The following NRIP3 variants were observed in gnomAD, a reference collection of about 807,000 sequenced individuals.
The protein encoded by NRIP3 is nuclear receptor-interacting protein 3.
A neutral mutation model predicts 29.0 loss-of-function variants in NRIP3; 31 were observed. The observed-to-expected ratio is 1.07, with a 90% CI of 0.80 to 1.44. The LOEUF is 1.44. NRIP3 is among the 40% of genes most tolerant of loss of function. The pLI, the probability that NRIP3 is intolerant of heterozygous loss-of-function variation, is 0.00. For missense variants in NRIP3, 314 were observed against 297.9 expected (o/e 1.05, Z -0.40); for synonymous variants, 131 against 118.3 (o/e 1.11, Z -0.70).
chr11:8,985,694 C>G lies in NRIP3; in HGVS notation c.562+17G>C, dbSNP rs781142287. ...TTTCCGTTAGGGTCCATAGGTCCAG[C>G]CCTCAATTCTGCTTACCAACCACAG... On this transcript the variant is annotated intron_variant, in intron 4 of 6. Transcript: ENST00000309166. 34 of 1,612,256 alleles carry G rather than the reference C, an allele frequency of 2.1e-5. No individual in the cohort carries two copies. Among genetic ancestry groups the G allele is most frequent in the Non-Finnish European group, 2.9e-5 (34 of 1,179,492 alleles).
chr11:8,987,351 C>A (rs1854534957), intron 3 of NRIP3, among the ~76,000 whole-genome samples, 197 bp downstream of exon 3: 1 of 152,166 alleles, frequency 6.6e-6, no homozygotes. Context: ...GGTTTCCCTG[C>A]TCACTGATTT....
At chr11:8,991,325 C>T (rs893480938) in intron 1 of NRIP3, among the ~76,000 whole-genome samples, 1 of 152,124 alleles carries the variant, frequency 6.6e-6, no homozygotes, top group Non-Finnish European at 1.5e-5. Flanking sequence ...TTTTCTATGT[C>T]AATATACATA....
chr11:8,999,900 C>T (rs969240459), intron 1 of NRIP3, among the ~76,000 whole-genome samples: 9 of 152,186 alleles, frequency 5.9e-5, no homozygotes, highest in Admixed American at 4.6e-4. Context: ...TCCCTATTCC[C>T]CTTACCCTGA....
chr11:8,987,751 G>C (rs78486478), intron 2 of NRIP3, 121 bp from the exon 3 acceptor site: 20,728 of 775,446 alleles, frequency 0.027, 371 homozygotes, highest in Non-Finnish European at 0.035. Flanking sequence ...CCCAATTATG[G>C]GTTATAGTGT....
Position 8,983,439 on chromosome 11 carries a change from C to G in NRIP3, c.*106G>C, listed in dbSNP as rs1334688240. The G allele has an allele frequency of 9.7e-7, 1 of 1,025,794 alleles. No individual in the cohort carries two copies. The highest frequency in any genetic ancestry group is 1.5e-6 in the Non-Finnish European group (1 of 679,930). The allele number at this position is 1,025,794 out of a possible 1,614,324, so 63.5% of individuals were successfully genotyped here. ...CTGGAGCTTCTATTAGATGGAAGGA[C>G]TTGGTCCACAGCAAGTCACTACGGC... On this transcript the variant is annotated 3_prime_UTR_variant, in exon 7 of 7. Transcript: ENST00000309166.
At chr11:8,983,660 A>G (rs1407766269) in intron 6 of NRIP3, 100 bp from the exon 7 acceptor site, 15 of 1,133,982 alleles carry the variant, frequency 1.3e-5, no homozygotes, top group Non-Finnish European at 6.6e-6. Context: ...TCATTTCCCT[A>G]CCACTCTGTG....
chr11:8,994,888 C>T (rs1018922202), intron 1 of NRIP3, among the ~76,000 whole-genome samples: 2 of 152,176 alleles, frequency 1.3e-5, no homozygotes, highest in Non-Finnish European at 2.9e-5. Context: ...AAATTACTAC[C>T]TTTATGATGA....
At chr11:9,001,062 G>A (rs1166241533) in intron 1 of NRIP3, among the ~76,000 whole-genome samples, 2 of 151,670 alleles carry the variant, frequency 1.3e-5, no homozygotes, top group South Asian at 2.1e-4. Flanking sequence ...GTGAGAACCC[G>A]TCTCTTAAAA....
intron 1 of NRIP3, among the ~76,000 whole-genome samples, chr11:8,989,917 C>T (rs545706945): frequency 2.6e-5 from 4 of 152,276 alleles, no homozygotes; most frequent in African/African-American, 9.6e-5. Context: ...TTTCAAAGAC[C>T]ACCTAAACAA....
intron 2 of NRIP3, 95 bp from the exon 3 acceptor site, chr11:8,987,725 G>A (rs1854540490): frequency 5.3e-6 from 5 of 937,958 alleles, no homozygotes; most frequent in Non-Finnish European, 8.8e-6. Flanking sequence ...TGAAAGGCAG[G>A]GTTGGAGAGC....
chr11:8,997,373 A>G (rs897541903), intron 1 of NRIP3, among the ~76,000 whole-genome samples: 4 of 150,580 alleles, frequency 2.7e-5, no homozygotes, highest in Non-Finnish European at 4.4e-5. Flanking sequence ...AAAAAAAAAA[A>G]AAAAAGAAAG....
At chr11:9,003,076 A>G (rs904058438) in intron 1 of NRIP3, among the ~76,000 whole-genome samples, 2 of 152,146 alleles carry the variant, frequency 1.3e-5, no homozygotes, top group Admixed American at 6.5e-5. Context: ...CACCCACCCC[A>G]GCTCCAGATG....
At chr11:8,992,728 A>C (rs1854628919) in intron 1 of NRIP3, among the ~76,000 whole-genome samples, 1 of 152,104 alleles carries the variant, frequency 6.6e-6, no homozygotes, top group Admixed American at 6.5e-5. Context: ...GGCCAAGCCA[A>C]CATGGTGAAA....
Position 9,003,729 on chromosome 11 carries a change from G to T in NRIP3, c.174+33C>A, listed in dbSNP as rs764499799. On this transcript the variant is annotated intron_variant, in intron 1 of 6. Transcript: ENST00000309166. ...GGAAAACGGCGGGCGCGAAGCCGCC[G>T]GGGCCGGGGCGAGAACGGCGGCGGG... 17 of 1,374,132 alleles carry T rather than the reference G, an allele frequency of 1.2e-5. No individual in the cohort carries two copies. In the East Asian group the frequency reaches 5.3e-4, roughly 43 times the overall value. 85.1% of individuals were successfully genotyped at this position (1,374,132 alleles called of 1,614,324 possible).
chr11:8,995,664 C>T (rs973292564), intron 1 of NRIP3, among the ~76,000 whole-genome samples: 17 of 152,220 alleles, frequency 1.1e-4, no homozygotes, highest in Admixed American at 6.5e-4. Context: ...CCATTCTTTG[C>T]ATGGAAACCA....
intron 2 of NRIP3, among the ~76,000 whole-genome samples, 161 bp downstream of exon 2, chr11:8,987,957 A>G (rs1566136828): frequency 6.6e-6 from 1 of 152,222 alleles, no homozygotes; most frequent in Non-Finnish European, 1.5e-5. Flanking sequence ...AAAGATGCAC[A>G]TGCTTACAAA....
At chr11:9,000,031 G>A (rs79181291) in intron 1 of NRIP3, among the ~76,000 whole-genome samples, 8,822 of 152,078 alleles carry the variant, frequency 0.058, 395 homozygotes, top group East Asian at 0.16. Context: ...CTCAGTTTTG[G>A]TTCACTATTA....
intron 1 of NRIP3, among the ~76,000 whole-genome samples, chr11:8,996,275 C>CTTTTTT (rs386373056): frequency 1.0e-3 from 87 of 82,932 alleles, no homozygotes; most frequent in African/African-American, 1.3e-3. Flanking sequence ...CCTTTTTTTC[C>CTTTTTT]TTTTTTTTTT....
chr11:8,988,963 G>A lies in NRIP3; in HGVS notation c.175-681C>T, dbSNP rs543695813. Among the ~76,000 whole-genome samples, 543 of 152,270 alleles carry A rather than the reference G, an allele frequency of 3.6e-3. 2 individuals are homozygous for A. Among genetic ancestry groups the A allele is most frequent in the African/African-American group, 0.012 (514 of 41,556 alleles). On this transcript the variant is annotated intron_variant, in intron 1 of 6. Transcript: ENST00000309166. ...GAATCATCGATGCTGGCATCCCCTG[G>A]TCCTCAAAACACTGGTTTCTCCTGC...
Sources: gnomAD v4.1 joint callset for allele counts (sites outside exome capture counted in the v4.1 genomes callset) on GRCh38, gnomAD v4.1.1 for gene constraint, MANE v1.5 for transcripts, NCBI Gene and HGNC (gene_info 2026-07-23, HGNC 2026-07-21) for gene names.